The following VPS36 variants were observed in gnomAD, a reference collection of about 807,000 sequenced individuals.
VPS36 encodes the protein vacuolar protein-sorting-associated protein 36.
In VPS36, 31 loss-of-function variants were observed where a neutral mutation model predicts 63.5. The observed-to-expected ratio is 0.49, with a 90% CI of 0.37 to 0.66. The LOEUF (loss-of-function observed/expected upper bound fraction) is 0.66. Ranked by LOEUF, VPS36 falls within the 30% of genes least tolerant of loss-of-function variation. VPS36 has a pLI of 0.00. For missense variants in VPS36, 338 were observed against 463.7 expected (o/e 0.73, Z 2.49); for synonymous variants, 138 against 157.2 (o/e 0.88, Z 0.91).
At chr13:52,442,518 T>A in intron 1 of VPS36, 73 bp from the exon 2 acceptor site, 1 of 1,257,652 alleles carries the variant, frequency 8.0e-7, no homozygotes, top group South Asian at 1.4e-5. Context: ...TCTTCATGAA[T>A]TATACCACAC....
chr13:52,444,581 C>A (rs867528365), intron 1 of VPS36, among the ~76,000 whole-genome samples: 142 of 147,402 alleles, frequency 9.6e-4, no homozygotes, highest in African/African-American at 3.3e-3. Flanking sequence ...TATACACACA[C>A]ACATATATAT....
At chr13:52,440,996 T>C (rs1055087180) in intron 2 of VPS36, among the ~76,000 whole-genome samples, 1 of 152,154 alleles carries the variant, frequency 6.6e-6, no homozygotes, top group African/African-American at 2.4e-5. Flanking sequence ...ACAATAGGGT[T>C]CCTGCTCCTA....
rs767628596 is a variant in VPS36, at chr13:52,415,858, T to C, written c.1133A>G (p.Tyr378Cys). Reference sequence around the variant, plus strand: ...GCTCTGTGTCATAAATAAATTTGGGTAAAAACGCAGGCCTTCCACTGAGTC... The same window carrying C: ...GCTCTGTGTCATAAATAAATTTGGGCAAAAACGCAGGCCTTCCACTGAGTC... The part of the protein sequence containing the change: ...RDDSVEGLRF[Y>C]PNLFMTQS The change falls in exon 14 of 14, where the codon TAC (tyrosine) becomes TGC (cysteine). Residue 378 changes from tyrosine to cysteine, a missense_variant. Tyr to Cys is a radical substitution (Grantham distance 194, BLOSUM62 -2). Transcript: ENST00000378060. The C allele has an allele frequency of 6.2e-7, 1 of 1,613,894 alleles. No homozygotes were observed. The highest frequency in any genetic ancestry group is 8.5e-7 in the Non-Finnish European group (1 of 1,179,980).
chr13:52,415,779 C>T lies in VPS36; in HGVS notation c.*51G>A, dbSNP rs768160153. On this transcript the variant is annotated 3_prime_UTR_variant, in exon 14 of 14. Transcript: ENST00000378060. ...TATCTCTTAGCTCAATGTCATACAA[C>T]CTCTACATGACGCAAGCATATGGAC... 4 of 1,544,248 alleles carry T rather than the reference C, an allele frequency of 2.6e-6. No individual in the cohort carries two copies. In the South Asian group the frequency reaches 3.4e-5, roughly 13 times the overall value.
chr13:52,415,708 T>C lies in VPS36; in HGVS notation c.*122A>G. On this transcript the variant is annotated 3_prime_UTR_variant, in exon 14 of 14. Transcript: ENST00000378060. Reference sequence around the variant, plus strand: ...ATTTAGTGAGAAATTAAAAGAGATTTACATTGCACTGTGAAGTTCCAATAA... The same window carrying C: ...ATTTAGTGAGAAATTAAAAGAGATTCACATTGCACTGTGAAGTTCCAATAA... 1.1e-6 allele frequency: 1 copy of C among 917,816 alleles called. No homozygotes were observed. Among genetic ancestry groups the C allele is most frequent in the Non-Finnish European group, 1.7e-6 (1 of 588,628 alleles). 56.9% of individuals were successfully genotyped at this position (917,816 alleles called of 1,614,324 possible).
At position 52,413,577 on chromosome 13, in the gene VPS36, C is replaced by T. The variant is rs951531254; in HGVS notation, c.*2253G>A. 8 of 152,196 alleles carry T rather than the reference C, an allele frequency of 5.3e-5. No individual in the cohort carries two copies. The highest frequency in any genetic ancestry group is 1.7e-4 in the African/African-American group (7 of 41,428). The allele number at this position is 152,196 out of a possible 1,614,324, so 9.4% of individuals were successfully genotyped here. On this transcript the variant is annotated 3_prime_UTR_variant, in exon 14 of 14. Transcript: ENST00000378060. ...TACCAATCATTTAACCCTGAAAACACAGTCTTCACTAACACAATGTAAAAA... is the reference window on the plus strand; with the variant it reads ...TACCAATCATTTAACCCTGAAAACATAGTCTTCACTAACACAATGTAAAAA...
intron 1 of VPS36, among the ~76,000 whole-genome samples, chr13:52,447,414 C>T (rs759577159): frequency 1.3e-5 from 2 of 152,172 alleles, no homozygotes; most frequent in Non-Finnish European, 2.9e-5. Flanking sequence ...TGCCACTTTA[C>T]ACATTACTAA....
chr13:52,450,624 A>T lies in VPS36; in HGVS notation c.-30T>A. 6 of 1,544,752 alleles carry T rather than the reference A, an allele frequency of 3.9e-6. No individual in the cohort carries two copies. Among genetic ancestry groups the T allele is most frequent in the Non-Finnish European group, 5.2e-6 (6 of 1,144,944 alleles). On this transcript the variant is annotated 5_prime_UTR_variant, in exon 1 of 14. Coordinates refer to ENST00000378060, the MANE Select transcript of VPS36 (RefSeq NM_016075.4). ...GCTGCCACCCAGCCCCGGCCCTCCG[A>T]GGCCGCGAGCAGCGCGCCAGGCAGC...
At chr13:52,433,385 G>A (rs374611027) in intron 6 of VPS36, among the ~76,000 whole-genome samples, 36 of 151,358 alleles carry the variant, frequency 2.4e-4, no homozygotes, top group Admixed American at 3.9e-4. Context: ...AGGAGTATCC[G>A]CCAATCAATT....
chr13:52,440,774 G>T (rs1300563734), intron 2 of VPS36, among the ~76,000 whole-genome samples: 1 of 152,054 alleles, frequency 6.6e-6, no homozygotes, highest in Non-Finnish European at 1.5e-5. Context: ...TTTATTTTCT[G>T]AATATATATT....
At chr13:52,426,105 C>T in intron 8 of VPS36, 39 bp from the exon 9 acceptor site, 1 of 1,601,788 alleles carries the variant, frequency 6.2e-7, no homozygotes, top group Non-Finnish European at 8.5e-7. Context: ...TTAGTCTCTC[C>T]ACCTCAATAT....
At chr13:52,441,580 G>A (rs1312158703) in intron 2 of VPS36, among the ~76,000 whole-genome samples, 7 of 152,090 alleles carry the variant, frequency 4.6e-5, no homozygotes, top group South Asian at 2.1e-4. Flanking sequence ...GCTAAACCCC[G>A]TCTCTACTAA....
intron 10 of VPS36, among the ~76,000 whole-genome samples, chr13:52,421,225 G>A (rs768704798): frequency 1.3e-5 from 2 of 152,142 alleles, no homozygotes; most frequent in Non-Finnish European, 2.9e-5. Context: ...CAGCAACATG[G>A]ATGAACCTGG....
intron 10 of VPS36, among the ~76,000 whole-genome samples, chr13:52,420,236 T>G (rs2137773782): frequency 6.8e-6 from 1 of 147,400 alleles, no homozygotes; most frequent in African/African-American, 2.5e-5. Flanking sequence ...AAGTTAAGAC[T>G]GTCTCAAAAA....
chr13:52,431,636 G>A (rs1349903946), intron 6 of VPS36, among the ~76,000 whole-genome samples: 12 of 151,718 alleles, frequency 7.9e-5, no homozygotes, highest in African/African-American at 2.7e-4. Flanking sequence ...AGTGGTGCGC[G>A]CCTGTAATCC....
In VPS36 at chr13:52,427,229, G is replaced by C; in HGVS notation, c.529-10C>G. 6.2e-7 allele frequency: 1 copy of C among 1,612,782 alleles called. No homozygotes were observed. Among genetic ancestry groups the C allele is most frequent in the East Asian group, 2.2e-5 (1 of 44,824 alleles). On this transcript the variant is annotated splice_polypyrimidine_tract_variant and intron_variant, in intron 6 of 13. Transcript: ENST00000378060. ...TGAGGTCTTCAAAGGCCTGAAATGA[G>C]AAATGAATTTTGGTTGAAATCCATC...
At chr13:52,426,218 C>A in intron 8 of VPS36, 152 bp from the exon 9 acceptor site, 1 of 878,808 alleles carries the variant, frequency 1.1e-6, no homozygotes, top group South Asian at 1.9e-5. Flanking sequence ...GAGCAGATTT[C>A]CAGGAGTTCC....
Position 52,415,934 on chromosome 13 carries a change from A to C in VPS36, c.1068-11T>G, listed in dbSNP as rs118051990. 13 of 1,613,300 alleles carry C rather than the reference A, an allele frequency of 8.1e-6. No individual in the cohort carries two copies. In the East Asian group the frequency reaches 2.7e-4, roughly 33 times the overall value. The stretch of plus-strand genomic sequence containing the variant: ...TCTGCAAGCAGCAACCTAAAAAAAA[A>C]CAACAAAAAAACCCCCACACAATTA... On this transcript the variant is annotated splice_polypyrimidine_tract_variant and intron_variant, in intron 13 of 13. Coordinates refer to ENST00000378060, the MANE Select transcript of VPS36 (RefSeq NM_016075.4).
In VPS36 at chr13:52,430,810, C is replaced by T. The variant is rs74632646; in HGVS notation, c.528+2852G>A. ...AAGTAAAATTTAAAAATCCTTTGCC[C>T]ATCTAGGAAAAACAGCAAGTGTCTT... On this transcript the variant is annotated intron_variant, in intron 6 of 13. Transcript: ENST00000378060. Among the ~76,000 whole-genome samples the T allele has an allele frequency of 7.4e-3, 1,123 of 151,382 alleles. 6 individuals are homozygous for T. Among genetic ancestry groups the T allele is most frequent in the African/African-American group, 0.017 (700 of 41,246 alleles).
Sources: allele counts gnomAD v4.1 joint callset (sites outside exome capture counted in the v4.1 genomes callset), GRCh38; gene constraint gnomAD v4.1.1; transcripts MANE v1.5; gene names NCBI Gene and HGNC (gene_info 2026-07-23, HGNC 2026-07-21).